Variants in MATK observed in about 807,000 individuals in gnomAD.
MATK encodes megakaryocyte-associated tyrosine kinase, also known as megakaryocyte-associated tyrosine-protein kinase.
A neutral mutation model predicts 59.8 loss-of-function variants in MATK; 41 were observed. That is an observed-to-expected ratio of 0.69 (90% CI 0.53 to 0.89). The LOEUF (loss-of-function observed/expected upper bound fraction) is 0.89. Among genes scored for constraint, MATK ranks in the 40% least tolerant of loss-of-function variants. The pLI is 0.00. For missense variants in MATK, 593 were observed against 719.6 expected, an observed-to-expected ratio of 0.82 and a Z score of 2.01; for synonymous variants, 308 against 306.1, an observed-to-expected ratio of 1.01 and a Z score of -0.06.
chr19:3,786,624 C>G (rs375330241), upstream of MATK, among the ~76,000 whole-genome samples: 3 of 151,344 alleles, frequency 2.0e-5, no homozygotes, highest in East Asian at 2.0e-4. This position sits in a 1 kb window ranked among gnomAD's most constrained non-coding sequence, Gnocchi z 4.1. Flanking sequence ...GTGAGCTGCC[C>G]GTCCGGGGAG....
chr19:3,784,999 C>G (rs1479222891), intron 2 of MATK, 65 bp downstream of exon 2: 1 of 1,541,466 alleles, frequency 6.5e-7, no homozygotes, highest in Non-Finnish European at 9.0e-7. Context: ...GAGAGCCTCC[C>G]CAGAGGCATC....
intron 1 of MATK, among the ~76,000 whole-genome samples, chr19:3,797,297 T>G (rs907539436): frequency 2.2e-5 from 2 of 91,972 alleles, no homozygotes; most frequent in African/African-American, 3.9e-5. Flanking sequence ...TTTTGACTAT[T>G]AATTTTTTTT....
At position 3,779,191 on chromosome 19, in the gene MATK, G is replaced by C. The variant is rs764503769; in HGVS notation, c.1002-4C>G. ...CTCCATGCCCTCGGCCACGTGCCTG[G>C]GGGTAGTAGGGGGCAGTGGGGGCTC... On this transcript the variant is annotated splice_polypyrimidine_tract_variant and splice_region_variant and intron_variant, in intron 11 of 13. Coordinates refer to ENST00000310132, the MANE Select transcript of MATK (RefSeq NM_139355.3). 3 of 1,575,830 alleles carry C rather than the reference G, an allele frequency of 1.9e-6. No homozygotes were observed. The highest frequency in any genetic ancestry group is 1.3e-5 in the African/African-American group (1 of 74,132).
intron 1 of MATK, among the ~76,000 whole-genome samples, chr19:3,795,916 C>T (rs2081619846): frequency 6.6e-6 from 1 of 151,870 alleles, no homozygotes; most frequent in South Asian, 2.1e-4. Flanking sequence ...CACGCGCCAT[C>T]ACGCCTGGCT....
intron 7 of MATK, among the ~76,000 whole-genome samples, chr19:3,782,002 A>G (rs778833558): frequency 6.6e-6 from 1 of 152,316 alleles, no homozygotes; most frequent in African/African-American, 2.4e-5. Context: ...AGGAACTCCC[A>G]GTCAGGCCCA....
intron 1 of MATK, among the ~76,000 whole-genome samples, chr19:3,798,362 T>G (rs1457632661): frequency 7.3e-5 from 7 of 96,426 alleles, no homozygotes; most frequent in Admixed American, 3.8e-4. Context: ...CACTGTGGGG[T>G]GGTTGGCGGG....
chr19:3,784,933 C>A (rs1251271015), intron 2 of MATK, 49 bp from the exon 3 acceptor site: 2 of 1,414,424 alleles, frequency 1.4e-6, no homozygotes, highest in Admixed American at 1.9e-5. Flanking sequence ...GACCCACGGT[C>A]CAGTTCCTAC....
At chr19:3,786,983 G>GGTGGGGGCCCCA (rs1281718506), upstream of MATK, among the ~76,000 whole-genome samples, 9 of 151,996 alleles carry the variant, frequency 5.9e-5, no homozygotes, top group Non-Finnish European at 1.0e-4. The surrounding 1 kb of genome is among the most constrained non-coding windows in gnomAD (Gnocchi z 4.1). Context: ...CCATATGGAG[G>GGTGGGGGCCCCA]GTGGGGGCCC....
At chr19:3,793,575 GC>G (rs1431501083) in intron 1 of MATK, among the ~76,000 whole-genome samples, 2 of 152,116 alleles carry the variant, frequency 1.3e-5, no homozygotes, top group Non-Finnish European at 2.9e-5. Flanking sequence ...GGTGGCGGGT[GC>G]CTGTAGTCCC....
chr19:3,790,089 A>G (rs539754679), upstream of MATK, among the ~76,000 whole-genome samples: 1 of 152,212 alleles, frequency 6.6e-6, no homozygotes, highest in African/African-American at 2.4e-5. Flanking sequence ...TTTAGTAGAG[A>G]CAGGGTTTCG....
chr19:3,781,529 A>T, intron 8 of MATK, 78 bp downstream of exon 8: 1 of 1,490,344 alleles, frequency 6.7e-7, no homozygotes, highest in Non-Finnish European at 9.3e-7. Flanking sequence ...ATGGGTTTGA[A>T]TTCAGCTCTG....
At chr19:3,788,097 T>TTTATA (rs71166928), upstream of MATK, among the ~76,000 whole-genome samples, 30,026 of 133,380 alleles carry the variant, frequency 0.23, 3,406 homozygotes, top group Middle Eastern at 0.27. Context: ...ATTATTAATA[T>TTTATA]TTATATTATA....
In MATK at chr19:3,786,115, T is replaced by TTCCCCCCACCCCGGCCTCGGGGTC; in HGVS notation, c.-152+30_-152+53dup. The TTCCCCCCACCCCGGCCTCGGGGTC allele has an allele frequency of 1.2e-6, 1 of 819,306 alleles. No individual in the cohort carries two copies. The highest frequency in any genetic ancestry group is 1.5e-6 in the Non-Finnish European group (1 of 678,570). The allele number at this position is 819,306 out of a possible 1,614,324, so 50.8% of individuals were successfully genotyped here. A position where few individuals can be genotyped will look rare whatever the true frequency, so the allele number is the denominator to read the frequency against. On this transcript the variant is annotated intron_variant, in intron 1 of 13. Transcript: ENST00000310132. The surrounding 1 kb of genome is among the most constrained non-coding windows in gnomAD (Gnocchi z 4.1). ...CACCCCCGCCTAGAGCCCTCGGGGT[T>TTCCCCCCACCCCGGCCTCGGGGTC]TCCCCCCACCCCGGCCTCGGGGTCT... is the stretch of plus-strand genomic sequence containing the variant.
At chr19:3,791,107 C>A (rs1385347655), upstream of MATK, among the ~76,000 whole-genome samples, 2 of 152,110 alleles carry the variant, frequency 1.3e-5, no homozygotes, top group Non-Finnish European at 2.9e-5. Context: ...CTGCTGCTTA[C>A]AATCAAAGGG....
rs201459758 is a variant in MATK, at chr19:3,779,056, C to T, written c.1133G>A (p.Arg378Gln). ...VSDFGLAKAE[R>Q]KGLDSSRLPV... The stretch of plus-strand genomic sequence containing the variant: ...CAGCCGGCTTGAGTCTAGCCCCTTC[C>T]GCTCGGCTTTGGCCAGGCCAAAGTC... The change falls in exon 12 of 14, where the codon CGG (arginine) becomes CAG (glutamine). Residue 378 changes from arginine to glutamine, a missense_variant. Arg to Gln is a conservative substitution (Grantham distance 43). Transcript: ENST00000310132. 381 of 1,605,684 alleles carry T rather than the reference C, an allele frequency of 2.4e-4. No homozygotes were observed. Among genetic ancestry groups the T allele is most frequent in the Non-Finnish European group, 2.9e-4 (341 of 1,178,068 alleles).
chr19:3,795,276 CT>C (rs35580481), intron 1 of MATK, among the ~76,000 whole-genome samples: 130 of 127,836 alleles, frequency 1.0e-3, no homozygotes, highest in Non-Finnish European at 9.3e-4. Context: ...CAAGCCTGGC[CT>C]TTTTTTTTTT....
intron 1 of MATK, among the ~76,000 whole-genome samples, chr19:3,794,901 C>T (rs2037578431): frequency 1.3e-5 from 2 of 151,902 alleles, no homozygotes; most frequent in Non-Finnish European, 1.5e-5. Context: ...AGCCAAAGAC[C>T]GTGGCTGCAT....
chr19:3,792,395 T>TCC (rs1488749524), intron 1 of MATK, among the ~76,000 whole-genome samples: 6 of 152,054 alleles, frequency 3.9e-5, no homozygotes, highest in Non-Finnish European at 7.4e-5. Context: ...CTTCAAACGC[T>TCC]AGAGGCTTGA....
upstream of MATK, among the ~76,000 whole-genome samples, chr19:3,788,406 G>A (rs1285561395): frequency 4.0e-5 from 6 of 151,028 alleles, no homozygotes; most frequent in East Asian, 5.9e-4. Context: ...GGTGGATCAC[G>A]AGGTCAGGAG....
Sources: allele counts gnomAD v4.1 joint callset (sites outside exome capture counted in the v4.1 genomes callset), GRCh38; gene constraint gnomAD v4.1.1; non-coding constraint Gnocchi (gnomAD v3.1); transcripts MANE v1.5; gene names NCBI Gene and HGNC (gene_info 2026-07-23, HGNC 2026-07-21).